The following EXOC6B variants were observed in gnomAD, a reference collection of about 807,000 sequenced individuals.
EXOC6B encodes SEC15 homolog B.
Under a neutral mutation model 113.5 loss-of-function variants are expected in EXOC6B, and 54 were observed. The observed-to-expected ratio is 0.48, with a 90% CI of 0.38 to 0.60. The LOEUF (loss-of-function observed/expected upper bound fraction) is 0.60. Ranked by LOEUF, EXOC6B falls within the 20% of genes least tolerant of loss-of-function variation. EXOC6B has a pLI of 0.00. For missense variants in EXOC6B, 797 were observed against 977.5 expected, an observed-to-expected ratio of 0.82 and a Z score of 2.46; for synonymous variants, 357 against 339.0, an observed-to-expected ratio of 1.05 and a Z score of -0.58.
intron 18 of EXOC6B, among the ~76,000 whole-genome samples, chr2:72,401,566 CATATATAT>C (rs1383620831): frequency 9.4e-4 from 14 of 14,874 alleles, no homozygotes; most frequent in Admixed American, 2.0e-3. Context: ...TATATATATA[CATATATAT>C]ATATATACAT....
intron 19 of EXOC6B, among the ~76,000 whole-genome samples, chr2:72,354,822 T>C (rs1310528348): frequency 1.3e-5 from 2 of 152,232 alleles, no homozygotes. Flanking sequence ...AGGACAAGCC[T>C]TGTAGGCATG....
chr2:72,470,537 T>G (rs1341107560), intron 17 of EXOC6B, among the ~76,000 whole-genome samples: 1 of 152,158 alleles, frequency 6.6e-6, no homozygotes, highest in Admixed American at 6.6e-5. Context: ...TACATATGTA[T>G]ACATGTGCCA....
chr2:72,623,566 T>C (rs148072069), intron 6 of EXOC6B, among the ~76,000 whole-genome samples: 62 of 152,288 alleles, frequency 4.1e-4, no homozygotes, highest in African/African-American at 1.4e-3. Context: ...ACTGCCAAAG[T>C]AATCTATTAT....
At chr2:72,503,470 T>C (rs1411335376) in intron 11 of EXOC6B, among the ~76,000 whole-genome samples, 1 of 152,212 alleles carries the variant, frequency 6.6e-6, no homozygotes, top group Non-Finnish European at 1.5e-5. Context: ...CAGATTGGCT[T>C]CTTTCATTTA....
intron 18 of EXOC6B, among the ~76,000 whole-genome samples, chr2:72,403,200 A>G (rs772775904): frequency 6.6e-6 from 1 of 152,206 alleles, no homozygotes; most frequent in Non-Finnish European, 1.5e-5. Flanking sequence ...GGGTTTAGAC[A>G]GTCTATTGTA....
chr2:72,654,164 G>C (rs570286776), intron 6 of EXOC6B, among the ~76,000 whole-genome samples: 1 of 152,030 alleles, frequency 6.6e-6, no homozygotes, highest in Non-Finnish European at 1.5e-5. Context: ...TAGAGACGGG[G>C]TTTCACCGTG....
At chr2:72,425,083 T>C (rs1376109012) in intron 18 of EXOC6B, among the ~76,000 whole-genome samples, 4 of 152,224 alleles carry the variant, frequency 2.6e-5, no homozygotes, top group South Asian at 2.1e-4. Flanking sequence ...AGTGAGAACA[T>C]AGCATCACAA....
intron 1 of EXOC6B, among the ~76,000 whole-genome samples, chr2:72,776,680 A>T (rs146077651): frequency 2.6e-5 from 4 of 152,246 alleles, no homozygotes; most frequent in African/African-American, 9.6e-5. Flanking sequence ...AAAAATAGAC[A>T]ACAAAATGGG....
At chr2:72,193,632 A>T (rs879009238) in intron 20 of EXOC6B, among the ~76,000 whole-genome samples, 1 of 152,194 alleles carries the variant, frequency 6.6e-6, no homozygotes, top group Non-Finnish European at 1.5e-5. Flanking sequence ...CAGGTACTCT[A>T]ACAGGTTACA....
At chr2:72,739,651 T>C (rs932300567) in intron 2 of EXOC6B, among the ~76,000 whole-genome samples, 2 of 152,100 alleles carry the variant, frequency 1.3e-5, no homozygotes, top group Non-Finnish European at 2.9e-5. Context: ...GGTTTTATTT[T>C]TTACATTTAA....
chr2:72,196,234 A>G (rs1679159799), intron 20 of EXOC6B, among the ~76,000 whole-genome samples: 1 of 152,246 alleles, frequency 6.6e-6, no homozygotes, highest in South Asian at 2.1e-4. Flanking sequence ...ACATAGTTGT[A>G]GAAAATTACA....
chr2:72,543,084 T>A (rs886533447), intron 8 of EXOC6B, among the ~76,000 whole-genome samples: 1 of 152,144 alleles, frequency 6.6e-6, no homozygotes, highest in Non-Finnish European at 1.5e-5. Flanking sequence ...GAAGTATGTT[T>A]CAGGAAAGAG....
intron 1 of EXOC6B, among the ~76,000 whole-genome samples, chr2:72,781,791 A>G (rs1183239183): frequency 6.6e-6 from 1 of 151,996 alleles, no homozygotes; most frequent in Non-Finnish European, 1.5e-5. Flanking sequence ...GCCACAACTA[A>G]CTTCCAAGGA....
At chr2:72,726,922 A>G (rs1680333873) in intron 5 of EXOC6B, among the ~76,000 whole-genome samples, 2 of 152,180 alleles carry the variant, frequency 1.3e-5, no homozygotes, top group Admixed American at 1.3e-4. Context: ...TGTAACAACT[A>G]CTTACATAGC....
intron 20 of EXOC6B, among the ~76,000 whole-genome samples, chr2:72,280,740 T>A (rs1349680604): frequency 1.3e-5 from 2 of 151,974 alleles, no homozygotes; most frequent in African/African-American, 2.4e-5. Context: ...GGATACAAGA[T>A]CTGGAAGAGA....
At position 72,591,153 on chromosome 2, in the gene EXOC6B, A is replaced by G. The variant is rs77999936; in HGVS notation, c.670-15485T>C. 6.8e-3 allele frequency among the ~76,000 whole-genome samples: 1,040 copies of G among 152,228 alleles called. 11 individuals carry two copies. The highest frequency in any genetic ancestry group is 0.024 in the African/African-American group (998 of 41,576). On this transcript the variant is annotated intron_variant, in intron 6 of 21. Transcript: ENST00000272427. ...GAGTAGGCTATCAGAGTTAATCAAA[A>G]TGAAGTTATTAAAACTTCTAATTTG...
chr2:72,185,255 G>A (rs542946368), intron 20 of EXOC6B, among the ~76,000 whole-genome samples: 20 of 152,222 alleles, frequency 1.3e-4, no homozygotes, highest in Non-Finnish European at 2.4e-4. Flanking sequence ...GTAGATGGCT[G>A]GTTGTGCAGA....
At chr2:72,484,988 T>C (rs1699342316) in intron 16 of EXOC6B, among the ~76,000 whole-genome samples, 1 of 152,220 alleles carries the variant, frequency 6.6e-6, no homozygotes, top group African/African-American at 2.4e-5. Context: ...TACCCAGTAA[T>C]GGGATTGCTG....
intron 18 of EXOC6B, among the ~76,000 whole-genome samples, chr2:72,449,294 T>G (rs551730641): frequency 6.6e-6 from 1 of 152,176 alleles, no homozygotes; most frequent in South Asian, 2.1e-4. Context: ...GCCATTGTCC[T>G]GCCTCAGCCT....
Sources: allele counts gnomAD v4.1 joint callset (sites outside exome capture counted in the v4.1 genomes callset), GRCh38; gene constraint gnomAD v4.1.1; transcripts MANE v1.5; gene names NCBI Gene and HGNC (gene_info 2026-07-23, HGNC 2026-07-21).